PCDH15: variants seen among roughly 807,000 people sequenced by gnomAD.
PCDH15 encodes protocadherin-15.
A neutral mutation model predicts 178.5 loss-of-function variants in PCDH15; 129 were observed. The ratio of observed to expected loss-of-function variants is 0.72; its 90% CI spans 0.63 to 0.84. PCDH15 has a LOEUF of 0.84. Ranked by LOEUF, PCDH15 falls within the 40% of genes least tolerant of loss-of-function variation. The pLI, the probability that PCDH15 is intolerant of heterozygous loss-of-function variation, is 0.00. For synonymous variants in PCDH15, 800 were observed against 732.0 expected (o/e 1.09, Z -1.50); for missense variants, 2,230 against 2,099.9 (o/e 1.06, Z -1.21).
At chr10:54,620,483 A>G (rs151068991) in intron 2 of PCDH15, among the ~76,000 whole-genome samples, 2,624 of 152,154 alleles carry the variant, frequency 0.017, 29 homozygotes, top group Non-Finnish European at 0.029. Flanking sequence ...GTTGGTTTCT[A>G]AAACCGATTC....
intron 18 of PCDH15, among the ~76,000 whole-genome samples, chr10:54,043,372 G>GCTCT (rs147452146): frequency 1.8e-4 from 27 of 150,278 alleles, no homozygotes; most frequent in South Asian, 6.3e-4. Context: ...ATTACAACCT[G>GCTCT]CTCTCTCTCT....
At chr10:54,902,703 C>A (rs917943742) in intron 2 of PCDH15, among the ~76,000 whole-genome samples, 2 of 152,084 alleles carry the variant, frequency 1.3e-5, no homozygotes, top group Non-Finnish European at 2.9e-5. Flanking sequence ...AATATCAGTG[C>A]CCTTACTGAG....
intron 28 of PCDH15, among the ~76,000 whole-genome samples, chr10:53,845,835 A>G (rs2132847540): frequency 6.6e-6 from 1 of 151,950 alleles, no homozygotes; most frequent in South Asian, 2.1e-4. Flanking sequence ...GTTAAAAATA[A>G]TGTGTTGTAT....
intron 1 of PCDH15, among the ~76,000 whole-genome samples, chr10:55,242,760 C>T (rs372037196): frequency 2.7e-4 from 41 of 152,088 alleles, no homozygotes; most frequent in Admixed American, 7.9e-4. Context: ...TTGAGGTGGG[C>T]GGATCATCTG....
intron 2 of PCDH15, among the ~76,000 whole-genome samples, chr10:55,433,641 A>T (rs1198565118): frequency 6.6e-6 from 1 of 151,974 alleles, no homozygotes; most frequent in Non-Finnish European, 1.5e-5. Context: ...TTTGATTAAC[A>T]AACATTTTTA....
At chr10:53,833,114 G>T (rs1171190369) in intron 29 of PCDH15, among the ~76,000 whole-genome samples, 1 of 152,006 alleles carries the variant, frequency 6.6e-6, no homozygotes, top group Non-Finnish European at 1.5e-5. Context: ...GATTCTAAAT[G>T]ATGCATAGAT....
At chr10:54,491,543 G>A (rs2079595899) in intron 3 of PCDH15, among the ~76,000 whole-genome samples, 1 of 152,070 alleles carries the variant, frequency 6.6e-6, no homozygotes, top group African/African-American at 2.4e-5. Flanking sequence ...GTTCTTAAGA[G>A]GTTAAGAAGA....
chr10:54,795,717 C>T (rs1951884865), intron 1 of PCDH15, among the ~76,000 whole-genome samples: 1 of 151,758 alleles, frequency 6.6e-6, no homozygotes, highest in Non-Finnish European at 1.5e-5. Context: ...CTGAGTTTTC[C>T]AGGTGATGCA....
Position 54,518,152 on chromosome 10 carries a change from C to T in PCDH15, c.157+9660G>A, listed in dbSNP as rs560613947. On this transcript the variant is annotated intron_variant, in intron 3 of 37. Transcript: ENST00000644397. ...CACCCTAACATCACAATTAAAAGAACTAGAAAAGCAAGAGCAAACACATTC... is the reference window on the plus strand; with the variant it reads ...CACCCTAACATCACAATTAAAAGAATTAGAAAAGCAAGAGCAAACACATTC... Among the ~76,000 whole-genome samples the T allele has an allele frequency of 5.0e-3, 755 of 152,146 alleles. 5 individuals carry two copies. Among genetic ancestry groups the T allele is most frequent in the Non-Finnish European group, 7.3e-3 (499 of 68,002 alleles).
intron 9 of PCDH15, among the ~76,000 whole-genome samples, chr10:54,232,498 T>C (rs970242850): frequency 1.3e-5 from 2 of 152,234 alleles, no homozygotes; most frequent in Admixed American, 1.3e-4. Flanking sequence ...AATTTACCAG[T>C]AAAGCATCTG....
chr10:54,527,735 C>T (rs1191645119), intron 3 of PCDH15, 77 bp downstream of exon 3: 2 of 1,273,852 alleles, frequency 1.6e-6, no homozygotes, highest in South Asian at 1.3e-5. Context: ...AGTACCTCTA[C>T]TCATAGTAGA....
chr10:55,564,559 C>T (rs1179709806), intron 2 of PCDH15, among the ~76,000 whole-genome samples: 2 of 151,552 alleles, frequency 1.3e-5, no homozygotes, highest in Admixed American at 6.6e-5. Context: ...AAACAAAAGA[C>T]TGATACTGGC....
chr10:54,613,493 T>TCACACACACACA (rs1164192874), intron 2 of PCDH15, among the ~76,000 whole-genome samples: 14 of 144,066 alleles, frequency 9.7e-5, no homozygotes, highest in African/African-American at 3.5e-4. Context: ...TGTCTCTCTC[T>TCACACACACACA]CACACACACA....
chr10:55,070,294 T>C (rs11004725), intron 2 of PCDH15, among the ~76,000 whole-genome samples: 10,209 of 152,090 alleles, frequency 0.067, 450 homozygotes, highest in African/African-American at 0.11. Context: ...TAGATCCCAT[T>C]TGTCAATTTT....
At chr10:55,055,981 T>G (rs1239734808) in intron 2 of PCDH15, among the ~76,000 whole-genome samples, 1 of 152,164 alleles carries the variant, frequency 6.6e-6, no homozygotes, top group Non-Finnish European at 1.5e-5. Context: ...TCATTCATAC[T>G]CAAATATATT....
rs527860402 is a variant in PCDH15, at chr10:53,877,572, T to C, written c.3502-10715A>G. On this transcript the variant is annotated intron_variant, in intron 26 of 37. Transcript: ENST00000644397. Reference sequence around the variant, plus strand: ...TACTTGTTATTTTTGAACTTCCTGATTTTTCCTTAGTTACATTAGGTTCAA... The same window carrying C: ...TACTTGTTATTTTTGAACTTCCTGACTTTTCCTTAGTTACATTAGGTTCAA... Among the ~76,000 whole-genome samples, 229 of 152,314 alleles carry C rather than the reference T, an allele frequency of 1.5e-3. 1 individual carries two copies. The highest frequency in any genetic ancestry group is 2.9e-3 in the Non-Finnish European group (197 of 68,022).
At chr10:55,116,326 G>C (rs1837627141) in intron 2 of PCDH15, among the ~76,000 whole-genome samples, 1 of 151,876 alleles carries the variant, frequency 6.6e-6, no homozygotes, top group African/African-American at 2.4e-5. Context: ...TTCTTTCTTT[G>C]TTTATTTGAC....
At chr10:54,725,552 T>TTATATATATATAATATATATATATA (rs1942367624) in intron 1 of PCDH15, among the ~76,000 whole-genome samples, 1 of 114,920 alleles carries the variant, frequency 8.7e-6, no homozygotes, top group Non-Finnish European at 1.9e-5. Context: ...ATATATATAA[T>TTATATATATATAATATATATATATA]TATATATATA....
At chr10:54,828,928 G>T (rs1217468082) in intron 3 of PCDH15, among the ~76,000 whole-genome samples, 1 of 151,932 alleles carries the variant, frequency 6.6e-6, no homozygotes, top group Admixed American at 6.6e-5. Flanking sequence ...TACACATTTT[G>T]GGAATCTGAT....
Sources: allele counts gnomAD v4.1 joint callset (sites outside exome capture counted in the v4.1 genomes callset), GRCh38; gene constraint gnomAD v4.1.1; transcripts MANE v1.5; gene names NCBI Gene and HGNC (gene_info 2026-07-23, HGNC 2026-07-21).